The following FAM78B variants were observed in gnomAD, a reference collection of about 807,000 sequenced individuals.
The protein encoded by FAM78B is family with sequence similarity 78 member B, also known as protein FAM78B.
FAM78B carries 10 observed loss-of-function variants against 20.0 expected under a neutral mutation model. That is an observed-to-expected ratio of 0.50 (90% CI 0.31 to 0.85). FAM78B has a LOEUF of 0.85. FAM78B is among the 40% of genes least tolerant of loss of function. The pLI is 0.05. For missense variants in FAM78B, 283 were observed against 345.0 expected, an observed-to-expected ratio of 0.82 and a Z score of 1.42; for synonymous variants, 135 against 132.8, an observed-to-expected ratio of 1.02 and a Z score of -0.12.
At chr1:166,070,928 A>G (rs1156796509) in intron 1 of FAM78B, among the ~76,000 whole-genome samples, 165 bp from the exon 2 acceptor site, 1 of 152,232 alleles carries the variant, frequency 6.6e-6, no homozygotes, top group Non-Finnish European at 1.5e-5. Flanking sequence ...TCAGGATTAA[A>G]TGAGAACAAA....
At chr1:166,109,870 A>ATATATATATATG (rs1557903280) in intron 1 of FAM78B, among the ~76,000 whole-genome samples, 12 of 11,456 alleles carry the variant, frequency 1.0e-3, no homozygotes, top group South Asian at 7.0e-3. Context: ...ATGTATGTGT[A>ATATATATATATG]TATATATATA....
chr1:166,129,841 A>T (rs912088836), intron 1 of FAM78B, among the ~76,000 whole-genome samples: 5 of 152,152 alleles, frequency 3.3e-5, no homozygotes, highest in Admixed American at 3.3e-4. Context: ...CCATTGCCAC[A>T]TGACCCTCTT....
At chr1:166,147,871 T>A (rs891529011) in intron 1 of FAM78B, 1 of 152,166 alleles carries the variant, frequency 6.6e-6, no homozygotes, top group Admixed American at 6.6e-5. Context: ...CCTGGGCTCA[T>A]GTGATCCTCC....
downstream of FAM78B, among the ~76,000 whole-genome samples, chr1:166,066,082 T>C (rs1414433406): frequency 6.6e-6 from 1 of 152,202 alleles, no homozygotes; most frequent in Non-Finnish European, 1.5e-5. Flanking sequence ...CCCCAAAGGC[T>C]GCTCCTGCCA....
intron 1 of FAM78B, among the ~76,000 whole-genome samples, chr1:166,152,683 T>TATTA (rs1434170262): frequency 4.6e-5 from 7 of 150,994 alleles, no homozygotes; most frequent in Admixed American, 4.6e-4. Flanking sequence ...TTTATTTATT[T>TATTA]ATTTATTTAT....
At chr1:166,072,528 A>C (rs1368898983) in intron 1 of FAM78B, among the ~76,000 whole-genome samples, 3 of 152,156 alleles carry the variant, frequency 2.0e-5, no homozygotes, top group Non-Finnish European at 4.4e-5. Flanking sequence ...TACAAAAGGG[A>C]GTACATGTTC....
chr1:166,153,496 G>A (rs1655768634), intron 1 of FAM78B, among the ~76,000 whole-genome samples: 1 of 152,242 alleles, frequency 6.6e-6, no homozygotes, highest in Non-Finnish European at 1.5e-5. Flanking sequence ...AGACAGGCAG[G>A]AGCCCTGTGA....
intron 1 of FAM78B, among the ~76,000 whole-genome samples, chr1:166,126,114 G>A (rs569439482): frequency 1.1e-3 from 165 of 152,242 alleles, no homozygotes; most frequent in African/African-American, 3.9e-3. Flanking sequence ...GATTACAGGT[G>A]TGAGCCACTG....
At chr1:166,141,102 G>A (rs183064115) in intron 1 of FAM78B, among the ~76,000 whole-genome samples, 1 of 152,330 alleles carries the variant, frequency 6.6e-6, no homozygotes, top group Non-Finnish European at 1.5e-5. Flanking sequence ...CCAGGCCAGT[G>A]GGCAGGTGGA....
intron 1 of FAM78B, among the ~76,000 whole-genome samples, chr1:166,110,704 G>C (rs1010069246): frequency 1.3e-5 from 2 of 152,206 alleles, no homozygotes; most frequent in Admixed American, 6.5e-5. Flanking sequence ...TCTGCTTTTA[G>C]AGAGTAGAGC....
chr1:166,093,418 G>A (rs148568088), intron 1 of FAM78B, among the ~76,000 whole-genome samples: 30 of 152,246 alleles, frequency 2.0e-4, no homozygotes, highest in African/African-American at 7.0e-4. Context: ...ACAAGAGGCC[G>A]ACAGGGCATT....
At chr1:166,157,073 G>A (rs890845704) in intron 1 of FAM78B, among the ~76,000 whole-genome samples, 1 of 138,500 alleles carries the variant, frequency 7.2e-6, no homozygotes, top group Non-Finnish European at 1.5e-5. Context: ...CTCTGAGTTT[G>A]AACAGAAAAC....
In FAM78B at chr1:166,069,865, A is replaced by G; in HGVS notation, c.*376T>C. ...GTGGATGTTTTCACTCCTACTTCTAATTGGCTGGGAAGCAGCATTTGCCAC... is the reference window on the plus strand; with the variant it reads ...GTGGATGTTTTCACTCCTACTTCTAGTTGGCTGGGAAGCAGCATTTGCCAC... On this transcript the variant is annotated 3_prime_UTR_variant, in exon 2 of 2. Transcript: ENST00000354422. 1 of 527,596 alleles carries G rather than the reference A, an allele frequency of 1.9e-6. No homozygotes were observed. The highest frequency in any genetic ancestry group is 2.5e-6 in the Non-Finnish European group (1 of 408,108). The allele number at this position is 527,596 out of a possible 1,614,324, so 32.7% of individuals were successfully genotyped here.
chr1:166,109,804 ATG>A (rs1198945987), intron 1 of FAM78B, among the ~76,000 whole-genome samples: 2 of 43,798 alleles, frequency 4.6e-5, no homozygotes, highest in Admixed American at 3.2e-4. Context: ...TGTGATATAT[ATG>A]TATATATGTA....
intron 1 of FAM78B, among the ~76,000 whole-genome samples, chr1:166,150,113 T>G (rs554355657): frequency 1.3e-5 from 2 of 151,486 alleles, no homozygotes; most frequent in South Asian, 2.1e-4. Context: ...TCAGGGGGGG[T>G]TTGTGATGTC....
chr1:166,152,095 C>CA (rs1314032671), intron 1 of FAM78B, among the ~76,000 whole-genome samples: 1 of 152,228 alleles, frequency 6.6e-6, no homozygotes, highest in Admixed American at 6.5e-5. Context: ...CCCAGCAGCC[C>CA]AGGCACTGGC....
intron 1 of FAM78B, among the ~76,000 whole-genome samples, chr1:166,102,908 C>A (rs554142526): frequency 7.2e-5 from 11 of 152,304 alleles, no homozygotes; most frequent in African/African-American, 2.6e-4. Flanking sequence ...AATATACATT[C>A]TTTTCAGCAC....
At chr1:166,139,185 C>T (rs1337169954) in intron 1 of FAM78B, among the ~76,000 whole-genome samples, 1 of 152,138 alleles carries the variant, frequency 6.6e-6, no homozygotes, top group Non-Finnish European at 1.5e-5. Context: ...AAGGGGAAGC[C>T]TAGACTCAGG....
chr1:166,165,789 T>C (rs1223537786), intron 1 of FAM78B, among the ~76,000 whole-genome samples, 197 bp downstream of exon 1: 1 of 151,956 alleles, frequency 6.6e-6, no homozygotes, highest in Non-Finnish European at 1.5e-5. Flanking sequence ...AGAAAATGCC[T>C]TCGCAAGGAG....
Sources: allele counts gnomAD v4.1 joint callset (sites outside exome capture counted in the v4.1 genomes callset), GRCh38; gene constraint gnomAD v4.1.1; transcripts MANE v1.5; gene names NCBI Gene and HGNC (gene_info 2026-07-23, HGNC 2026-07-21).